Variants in COL23A1 observed in about 807,000 individuals in gnomAD.
COL23A1 encodes the protein collagen alpha-1(XXIII) chain.
In COL23A1, 97 loss-of-function variants were observed where a neutral mutation model predicts 99.3. The observed-to-expected ratio is 0.98, with a 90% CI of 0.83 to 1.16. COL23A1 has a LOEUF of 1.16. COL23A1 is among the 50% of genes most tolerant of loss of function. The pLI is 0.00. For synonymous variants in COL23A1, 320 were observed against 308.2 expected, an observed-to-expected ratio of 1.04 and a Z score of -0.40; for missense variants, 762 against 757.4, an observed-to-expected ratio of 1.01 and a Z score of -0.07.
At chr5:178,433,701 C>T (rs900250118) in intron 2 of COL23A1, among the ~76,000 whole-genome samples, 3 of 152,176 alleles carry the variant, frequency 2.0e-5, no homozygotes, top group African/African-American at 7.2e-5. Flanking sequence ...TGTGTCAGAA[C>T]CAGGGATAAA....
rs550616892 is a variant in COL23A1, at chr5:178,531,984, C to T, written c.361+28698G>A. ...GGTGAGACATGACAGGTGACACAGC[C>T]CCCAGCTGACAACCAGATGCAGGGT... On this transcript the variant is annotated intron_variant, in intron 2 of 28. Coordinates refer to ENST00000390654, the MANE Select transcript of COL23A1 (RefSeq NM_173465.4). Among the ~76,000 whole-genome samples, 12 of 152,320 alleles carry T rather than the reference C, an allele frequency of 7.9e-5. 1 individual carries two copies. The South Asian group carries it at 2.5e-3, about 32-fold the overall frequency.
chr5:178,402,058 C>T (rs777150469), intron 2 of COL23A1, among the ~76,000 whole-genome samples: 13 of 152,156 alleles, frequency 8.5e-5, no homozygotes, highest in Non-Finnish European at 1.3e-4. Flanking sequence ...TCAGGTGATC[C>T]GCCCACCTCA....
chr5:178,498,185 C>A (rs1331412860), intron 2 of COL23A1, among the ~76,000 whole-genome samples: 1 of 113,496 alleles, frequency 8.8e-6, no homozygotes, highest in African/African-American at 3.1e-5. Flanking sequence ...GGCAACATGG[C>A]GAGACCCTGT....
chr5:178,250,039 A>G (rs899318313), intron 18 of COL23A1, 22 bp downstream of exon 18: 1 of 1,613,858 alleles, frequency 6.2e-7, no homozygotes, highest in African/African-American at 1.3e-5. Flanking sequence ...GGCATCACCA[A>G]GGAAATGAAA....
chr5:178,517,400 A>G (rs911082700), intron 2 of COL23A1, among the ~76,000 whole-genome samples: 1 of 152,026 alleles, frequency 6.6e-6, no homozygotes, highest in Non-Finnish European at 1.5e-5. Flanking sequence ...GTGGAGGGAG[A>G]GGGCCCATGT....
chr5:178,249,047 C>CG (rs1764868479), intron 19 of COL23A1, 70 bp downstream of exon 19: 2 of 1,504,210 alleles, frequency 1.3e-6, no homozygotes, highest in Non-Finnish European at 1.8e-6. Context: ...CCCCACAGCA[C>CG]GGGGGGCACA....
intron 2 of COL23A1, among the ~76,000 whole-genome samples, chr5:178,350,323 G>A (rs528031503): frequency 6.6e-6 from 1 of 152,250 alleles, no homozygotes; most frequent in South Asian, 2.1e-4. Context: ...CTCACCCTCT[G>A]ACAGCTCTTT....
chr5:178,390,428 AGAGCT>A (rs1302328600), intron 2 of COL23A1, among the ~76,000 whole-genome samples: 2 of 152,190 alleles, frequency 1.3e-5, no homozygotes, highest in Non-Finnish European at 2.9e-5. Flanking sequence ...CACATAAAGA[AGAGCT>A]GACCAAGCCC....
At chr5:178,533,360 G>A (rs191032748) in intron 2 of COL23A1, among the ~76,000 whole-genome samples, 50 of 152,232 alleles carry the variant, frequency 3.3e-4, no homozygotes, top group Non-Finnish European at 5.9e-4. Flanking sequence ...CCCTCAGCCC[G>A]TGGCAACCGT....
chr5:178,514,329 G>A (rs760677422), intron 2 of COL23A1, among the ~76,000 whole-genome samples: 21 of 152,178 alleles, frequency 1.4e-4, no homozygotes, highest in Non-Finnish European at 1.9e-4. Flanking sequence ...CGGACACTTG[G>A]GCTGCTCCCA....
intron 16 of COL23A1, among the ~76,000 whole-genome samples, chr5:178,252,886 C>T (rs905896164): frequency 6.6e-6 from 1 of 152,202 alleles, no homozygotes. Context: ...CACGATGTTC[C>T]CCTGCTCAAG....
At chr5:178,446,057 A>G (rs901527633) in intron 2 of COL23A1, among the ~76,000 whole-genome samples, 4 of 152,140 alleles carry the variant, frequency 2.6e-5, no homozygotes, top group African/African-American at 9.6e-5. Flanking sequence ...GTTAATTCAA[A>G]TTAAACAAGA....
At chr5:178,394,764 C>T (rs901422158) in intron 2 of COL23A1, among the ~76,000 whole-genome samples, 18 of 138,884 alleles carry the variant, frequency 1.3e-4, no homozygotes, top group Admixed American at 1.1e-3. Flanking sequence ...ACAAGTGGGA[C>T]ATAGCAGGGC....
chr5:178,546,320 C>G (rs982989366), intron 2 of COL23A1, among the ~76,000 whole-genome samples: 22 of 152,206 alleles, frequency 1.4e-4, no homozygotes, highest in Admixed American at 1.4e-3. Context: ...CCATCCTTCC[C>G]AAGCCTCAAT....
chr5:178,451,704 T>C (rs1457965465), intron 2 of COL23A1, among the ~76,000 whole-genome samples: 1 of 150,274 alleles, frequency 6.7e-6, no homozygotes, highest in African/African-American at 2.4e-5. Flanking sequence ...AGTTTTCCTA[T>C]GGTAAAGACA....
At chr5:178,377,407 C>T (rs1046370757) in intron 2 of COL23A1, among the ~76,000 whole-genome samples, 1 of 152,234 alleles carries the variant, frequency 6.6e-6, no homozygotes, top group African/African-American at 2.4e-5. Flanking sequence ...GCCGGGGCCA[C>T]CCCACTGCTT....
At chr5:178,276,772 A>T (rs1581508478) in intron 5 of COL23A1, among the ~76,000 whole-genome samples, 1 of 152,236 alleles carries the variant, frequency 6.6e-6, no homozygotes, top group East Asian at 1.9e-4. Context: ...AGTTAGGTTC[A>T]GCCCAGCTGT....
chr5:178,356,406 G>A (rs1012629995), intron 2 of COL23A1, among the ~76,000 whole-genome samples: 1 of 152,168 alleles, frequency 6.6e-6, no homozygotes, highest in African/African-American at 2.4e-5. Flanking sequence ...AGCACAGGGG[G>A]TAAAGCATTC....
Position 178,428,395 on chromosome 5 carries a change from C to T in COL23A1, c.362-121476G>A, listed in dbSNP as rs1457921454. Among the ~76,000 whole-genome samples the T allele has an allele frequency of 1.3e-5, 2 of 152,246 alleles. No homozygotes were observed. Among genetic ancestry groups the T allele is most frequent in the East Asian group, 3.8e-4 (2 of 5,198 alleles). On this transcript the variant is annotated intron_variant, in intron 2 of 28. Coordinates refer to ENST00000390654, the MANE Select transcript of COL23A1 (RefSeq NM_173465.4). The surrounding 1 kb of genome is among the most constrained non-coding windows in gnomAD (Gnocchi z 5.0). ...AGGAGGAGCCTTCCTGGATCAAAAC[C>T]TACCAAGATAACAGGGAACCAGGGG...
Sources: gnomAD v4.1 joint callset for allele counts (sites outside exome capture counted in the v4.1 genomes callset) on GRCh38, gnomAD v4.1.1 for gene constraint, Gnocchi (gnomAD v3.1) non-coding constraint, MANE v1.5 for transcripts, NCBI Gene and HGNC (gene_info 2026-07-23, HGNC 2026-07-21) for gene names.